GRIN2B: variants seen among roughly 807,000 people sequenced by gnomAD.
The protein encoded by GRIN2B is glutamate receptor ionotropic, NMDA 2B.
Under a neutral mutation model 114.5 loss-of-function variants are expected in GRIN2B, and 5 were observed. The observed-to-expected ratio is 0.04, with a 90% CI of 0.02 to 0.09. The LOEUF is 0.09. Among genes scored for constraint, GRIN2B ranks in the 10% least tolerant of loss-of-function variants. GRIN2B has a pLI of 1.00. For missense variants in GRIN2B, 1,108 were observed against 1,943.5 expected (o/e 0.57, Z 8.08); for synonymous variants, 787 against 745.1 (o/e 1.06, Z -0.92).
At chr12:13,641,544 C>A (rs1949716103) in intron 5 of GRIN2B, among the ~76,000 whole-genome samples, 1 of 151,918 alleles carries the variant, frequency 6.6e-6, no homozygotes, top group Non-Finnish European at 1.5e-5. Context: ...ATTACTTGTC[C>A]AATTTGTTGA....
rs990476590 is a variant in GRIN2B at position 13,557,539 on chromosome 12, T to C, written c.*5244A>G. ...GGAGGAGAAGCATCACTCTTCTATT[T>C]TCTATGGAAAGAATCATAGTTCTCA... On this transcript the variant is annotated 3_prime_UTR_variant, in exon 14 of 14. Transcript: ENST00000609686. 19 of 152,222 alleles carry C rather than the reference T, an allele frequency of 1.2e-4. No homozygotes were observed. The highest frequency in any genetic ancestry group is 4.6e-4 in the African/African-American group (19 of 41,452). 9.4% of individuals were successfully genotyped at this position (152,222 alleles called of 1,614,324 possible).
chr12:13,656,978 T>C (rs550792451), intron 5 of GRIN2B, among the ~76,000 whole-genome samples: 84 of 152,216 alleles, frequency 5.5e-4, no homozygotes, highest in African/African-American at 1.9e-3. Flanking sequence ...AGGGACTCAT[T>C]TCTTTCTGGG....
intron 3 of GRIN2B, among the ~76,000 whole-genome samples, chr12:13,755,034 T>C (rs781439577): frequency 1.3e-5 from 2 of 152,204 alleles, no homozygotes; most frequent in Non-Finnish European, 2.9e-5. Flanking sequence ...GGTAATGGTA[T>C]GTCTTTTCTT....
intron 9 of GRIN2B, among the ~76,000 whole-genome samples, chr12:13,611,331 C>A (rs1400462848): frequency 2.0e-5 from 3 of 152,304 alleles, no homozygotes; most frequent in Non-Finnish European, 2.9e-5. Context: ...TATCCTGGGG[C>A]AATCCATTTC....
chr12:13,869,199 G>A (rs1405875375), intron 2 of GRIN2B, among the ~76,000 whole-genome samples: 1 of 150,908 alleles, frequency 6.6e-6, no homozygotes, highest in Admixed American at 6.6e-5. Flanking sequence ...TAATTATTGA[G>A]CACTTATAAC....
intron 5 of GRIN2B, among the ~76,000 whole-genome samples, chr12:13,636,606 T>C (rs115078428): frequency 0.015 from 2,308 of 152,158 alleles, 56 homozygotes; most frequent in African/African-American, 0.052. Context: ...ATGAATTTGA[T>C]ATTGGGTTGA....
rs1948371568 is a variant in GRIN2B at position 13,548,308 on chromosome 12, T to C, written c.*14475A>G. 1 of 152,024 alleles carries C rather than the reference T, an allele frequency of 6.6e-6. No homozygotes were observed. The highest frequency in any genetic ancestry group is 1.5e-5 in the Non-Finnish European group (1 of 67,986). The allele number at this position is 152,024 out of a possible 1,614,324, so 9.4% of individuals were successfully genotyped here. On this transcript the variant is annotated 3_prime_UTR_variant, in exon 14 of 14. Coordinates refer to ENST00000609686, the MANE Select transcript of GRIN2B (RefSeq NM_000834.5). ...TAGTGGCTTCAGTCTTGTGCAGATA[T>C]AGATTTTCTTTGTAAGACTTCCTCC...
chr12:13,665,147 T>TTG (rs922497427), intron 5 of GRIN2B, among the ~76,000 whole-genome samples: 1 of 96,292 alleles, frequency 1.0e-5, no homozygotes, highest in African/African-American at 3.7e-5. Flanking sequence ...GTGTGTGTGT[T>TTG]TGTGTGTGTG....
chr12:13,792,999 T>C (rs1591734023), intron 3 of GRIN2B, among the ~76,000 whole-genome samples: 1 of 152,320 alleles, frequency 6.6e-6, no homozygotes, highest in African/African-American at 2.4e-5. Flanking sequence ...TATTATACAA[T>C]CACAAAGTGG....
At chr12:13,762,016 T>G (rs1041768127) in intron 3 of GRIN2B, among the ~76,000 whole-genome samples, 1 of 152,272 alleles carries the variant, frequency 6.6e-6, no homozygotes, top group Admixed American at 6.5e-5. Flanking sequence ...ATCTTTTTCT[T>G]TTTTTGGAAG....
intron 10 of GRIN2B, among the ~76,000 whole-genome samples, chr12:13,581,287 T>C (rs1002468356): frequency 6.6e-6 from 1 of 152,224 alleles, no homozygotes; most frequent in Non-Finnish European, 1.5e-5. Flanking sequence ...GAAACTGACA[T>C]TATCTTCCTT....
At chr12:13,812,930 ATTTTT>A (rs34773248) in intron 3 of GRIN2B, among the ~76,000 whole-genome samples, 1 of 118,390 alleles carries the variant, frequency 8.4e-6, no homozygotes, top group Admixed American at 9.2e-5. Flanking sequence ...AGTTTTGGGA[ATTTTT>A]TTTTTTTTTT....
At chr12:13,869,848 T>C (rs975340445) in intron 2 of GRIN2B, among the ~76,000 whole-genome samples, 1 of 152,348 alleles carries the variant, frequency 6.6e-6, no homozygotes, top group South Asian at 2.1e-4. Flanking sequence ...GTCACCTAAT[T>C]ACCATCTCTA....
intron 10 of GRIN2B, among the ~76,000 whole-genome samples, chr12:13,605,328 AAGTT>A (rs750751812): frequency 2.0e-5 from 3 of 152,090 alleles, no homozygotes; most frequent in Non-Finnish European, 4.4e-5. Flanking sequence ...CTAGGTTTTG[AAGTT>A]TCAGTAGGAG....
rs1456611516 is a variant in GRIN2B at position 13,562,174 on chromosome 12, C to T, written c.*609G>A. ...CTTTTGTTCTGTTCACCACCACTAT[C>T]GAGTCTCATGGGGTTGAAGCAAGCA... On this transcript the variant is annotated 3_prime_UTR_variant, in exon 14 of 14. Transcript: ENST00000609686. The T allele has an allele frequency of 1.3e-5, 2 of 153,780 alleles. No homozygotes were observed. The highest frequency in any genetic ancestry group is 1.3e-4 in the Admixed American group (2 of 15,574). The allele number at this position is 153,780 out of a possible 1,614,324, so 9.5% of individuals were successfully genotyped here. A position where few individuals can be genotyped will look rare whatever the true frequency, so the allele number is the denominator to read the frequency against.
intron 4 of GRIN2B, among the ~76,000 whole-genome samples, chr12:13,737,606 C>T (rs540632719): frequency 1.3e-5 from 2 of 152,148 alleles, no homozygotes; most frequent in Non-Finnish European, 2.9e-5. Context: ...AACTCAAGTC[C>T]GATGACCTTA....
At chr12:13,928,977 TCCCCAC>T (rs1202744783) in intron 2 of GRIN2B, among the ~76,000 whole-genome samples, 165 of 152,314 alleles carry the variant, frequency 1.1e-3, no homozygotes, top group Admixed American at 1.7e-3. Context: ...ACTAATTTAG[TCCCCAC>T]AACAATATTA....
chr12:13,780,363 G>A (rs112915478), intron 3 of GRIN2B, among the ~76,000 whole-genome samples: 1 of 152,054 alleles, frequency 6.6e-6, no homozygotes, highest in African/African-American at 2.4e-5. Context: ...TTTCATGAAG[G>A]TTCAGCCAGA....
intron 2 of GRIN2B, among the ~76,000 whole-genome samples, chr12:13,920,541 T>C (rs753909726): frequency 5.3e-5 from 8 of 152,224 alleles, no homozygotes; most frequent in Admixed American, 2.0e-4. Context: ...TCCAGGTTTA[T>C]GAAGCCTAGA....
Sources: allele counts gnomAD v4.1 joint callset (sites outside exome capture counted in the v4.1 genomes callset), GRCh38; gene constraint gnomAD v4.1.1; transcripts MANE v1.5; gene names NCBI Gene and HGNC (gene_info 2026-07-23, HGNC 2026-07-21).